Variants in DERA observed in about 807,000 individuals in gnomAD.
DERA encodes the protein deoxyribose-phosphate aldolase.
DERA carries 15 observed loss-of-function variants against 41.1 expected under a neutral mutation model. The observed-to-expected ratio is 0.37, with a 90% CI of 0.24 to 0.56. DERA has a LOEUF of 0.56. DERA is among the 20% of genes least tolerant of loss of function. The probability of loss-of-function intolerance (pLI) is 0.81; values close to 1 mark genes in which losing one functional copy is unlikely to be tolerated. For missense variants in DERA, 396 were observed against 403.4 expected, an observed-to-expected ratio of 0.98 and a Z score of 0.16; for synonymous variants, 139 against 137.4, an observed-to-expected ratio of 1.01 and a Z score of -0.08.
intron 5 of DERA, among the ~76,000 whole-genome samples, chr12:15,973,156 C>A (rs1036729265): frequency 6.6e-6 from 1 of 152,058 alleles, no homozygotes; most frequent in Non-Finnish European, 1.5e-5. Context: ...AGGAGGGATG[C>A]GGGGAGACAA....
intron 6 of DERA, among the ~76,000 whole-genome samples, chr12:16,022,360 T>C (rs1045497121): frequency 1.3e-5 from 2 of 152,220 alleles, no homozygotes; most frequent in South Asian, 2.1e-4. Flanking sequence ...ACAACACTTC[T>C]TGTACAGCCT....
At chr12:16,028,078 G>A (rs1482064898) in intron 6 of DERA, among the ~76,000 whole-genome samples, 1 of 152,188 alleles carries the variant, frequency 6.6e-6, no homozygotes, top group African/African-American at 2.4e-5. Context: ...CTAAAAGCAA[G>A]AACACTAGAG....
Position 16,036,329 on chromosome 12 carries a change from C to T in DERA, c.848C>T (p.Pro283Leu). 6.2e-7 allele frequency: 1 copy of T among 1,613,534 alleles called. No individual in the cohort carries two copies. Among genetic ancestry groups the T allele is most frequent in the Non-Finnish European group, 8.5e-7 (1 of 1,179,696 alleles). Residue 283 changes from proline (P) to leucine (L), a missense_variant, in exon 8 of 9, where the codon CCA (proline) becomes CTA (leucine). Coordinates refer to ENST00000428559, the MANE Select transcript of DERA (RefSeq NM_015954.4). This position sits in a 1 kb window ranked among gnomAD's most constrained non-coding sequence, Gnocchi z 4.9. ...KEELGDEWLKPELFRIGASTL... is the reference protein window; with the variant it reads ...KEELGDEWLKLELFRIGASTL... ...GAGCTTGGAGATGAGTGGCTGAAGCCAGAACTCTTTCGAATAGGTGCCAGT... is the reference window on the plus strand; with the variant it reads ...GAGCTTGGAGATGAGTGGCTGAAGCTAGAACTCTTTCGAATAGGTGCCAGT...
At position 16,035,175 on chromosome 12, in the gene DERA, T is replaced by C. The variant is rs1949119175; in HGVS notation, c.751-1057T>C. Among the ~76,000 whole-genome samples, 1 of 152,070 alleles carries C rather than the reference T, an allele frequency of 6.6e-6. No homozygotes were observed. Among genetic ancestry groups the C allele is most frequent in the Non-Finnish European group, 1.5e-5 (1 of 68,000 alleles). On this transcript the variant is annotated intron_variant, in intron 7 of 8. Transcript: ENST00000428559. The surrounding 1 kb of genome is among the most constrained non-coding windows in gnomAD (Gnocchi z 4.1). ...GGGTAAGGAAGGTAAGGAGGTAGAA[T>C]TGTCAGGACTTAAATATTGATTGGG... is the stretch of plus-strand genomic sequence containing the variant.
intron 1 of DERA, among the ~76,000 whole-genome samples, chr12:15,939,816 C>T (rs1453224892): frequency 1.3e-5 from 2 of 152,090 alleles, no homozygotes; most frequent in African/African-American, 4.8e-5. Context: ...GTGTGTATTG[C>T]CATGAAGAAA....
At chr12:15,969,417 T>C (rs1948645187) in intron 5 of DERA, among the ~76,000 whole-genome samples, 1 of 152,212 alleles carries the variant, frequency 6.6e-6, no homozygotes, top group Non-Finnish European at 1.5e-5. Flanking sequence ...GGGAGACTCA[T>C]TCCACACTGG....
intron 1 of DERA, among the ~76,000 whole-genome samples, chr12:15,942,979 A>C (rs745428238): frequency 2.0e-5 from 3 of 152,226 alleles, no homozygotes; most frequent in Non-Finnish European, 2.9e-5. Flanking sequence ...AAAGCTCAGC[A>C]GTAGTTGGAC....
In DERA at chr12:15,967,645, A is replaced by C. The variant is rs1189392222; in HGVS notation, c.508+4698A>C. 6.6e-6 allele frequency among the ~76,000 whole-genome samples: 1 copy of C among 151,984 alleles called. No homozygotes were observed. The highest frequency in any genetic ancestry group is 1.5e-5 in the Non-Finnish European group (1 of 67,986). Reference sequence around the variant, plus strand: ...TCCAGACTCTTGTGCTTTTTGATTTATGTATCTTCTTATTTGTTACTGTTT... The same window carrying C: ...TCCAGACTCTTGTGCTTTTTGATTTCTGTATCTTCTTATTTGTTACTGTTT... On this transcript the variant is annotated intron_variant, in intron 5 of 8. Coordinates refer to ENST00000428559, the MANE Select transcript of DERA (RefSeq NM_015954.4). The surrounding 1 kb of genome is among the most constrained non-coding windows in gnomAD (Gnocchi z 4.9).
rs543866736 is a variant in DERA at position 15,987,770 on chromosome 12, C to T, written c.637+5334C>T. Among the ~76,000 whole-genome samples, 6 of 152,148 alleles carry T rather than the reference C, an allele frequency of 3.9e-5. 1 individual carries two copies. Among genetic ancestry groups the T allele is most frequent in the Middle Eastern group, 6.8e-3 (2 of 294 alleles). ...TGTCGCTTTGCCAGTCAGAAACCTC[C>T]GTGCACTTCTGCTTGAGTTTTGCTC... On this transcript the variant is annotated intron_variant, in intron 6 of 8. Transcript: ENST00000428559.
intron 6 of DERA, among the ~76,000 whole-genome samples, chr12:16,015,012 A>G (rs1198249083): frequency 6.6e-6 from 1 of 152,150 alleles, no homozygotes; most frequent in Non-Finnish European, 1.5e-5. Context: ...CATTTAGAAC[A>G]ATTGTATTTA....
At chr12:16,031,117 G>T (rs564260506) in intron 6 of DERA, among the ~76,000 whole-genome samples, 1 of 152,252 alleles carries the variant, frequency 6.6e-6, no homozygotes, top group South Asian at 2.1e-4. Flanking sequence ...TAGACCTGTC[G>T]TACAAATGAG....
chr12:15,939,527 G>C (rs1948394473), intron 1 of DERA, among the ~76,000 whole-genome samples: 2 of 152,062 alleles, frequency 1.3e-5, no homozygotes, highest in African/African-American at 4.8e-5. Flanking sequence ...TCTTTTGTAG[G>C]AGTAAATTTT....
chr12:16,023,530 T>C (rs1408300709), intron 6 of DERA, among the ~76,000 whole-genome samples: 2 of 138,656 alleles, frequency 1.4e-5, no homozygotes, highest in African/African-American at 5.6e-5. Context: ...CAGGCTGGAG[T>C]GCAGTGGCGG....
At chr12:16,024,535 T>C (rs992943114) in intron 6 of DERA, among the ~76,000 whole-genome samples, 1 of 152,114 alleles carries the variant, frequency 6.6e-6, no homozygotes, top group African/African-American at 2.4e-5. Context: ...CCCAACAACA[T>C]GGAATTCTGT....
chr12:15,934,519 G>A (rs376701647), intron 1 of DERA, among the ~76,000 whole-genome samples: 2 of 151,938 alleles, frequency 1.3e-5, no homozygotes, highest in Non-Finnish European at 2.9e-5. Flanking sequence ...CTGGGAGGAG[G>A]AGGAGGTTGC....
intron 1 of DERA, among the ~76,000 whole-genome samples, chr12:15,951,031 A>C (rs1235820569): frequency 6.6e-6 from 1 of 152,226 alleles, no homozygotes. Flanking sequence ...GACTTTGGGT[A>C]GAGATCCCTG....
intron 6 of DERA, among the ~76,000 whole-genome samples, chr12:16,027,156 C>T (rs1015937361): frequency 2.6e-5 from 4 of 152,178 alleles, no homozygotes; most frequent in African/African-American, 9.7e-5. Context: ...TAATAAAGAA[C>T]ATCTGCAAAC....
In DERA at chr12:16,020,704, AAT is replaced by A. The variant is rs1279426394; in HGVS notation, c.638-11834_638-11833del. 6.6e-6 allele frequency among the ~76,000 whole-genome samples: 1 copy of A among 152,198 alleles called. No individual in the cohort carries two copies. The highest frequency in any genetic ancestry group is 1.5e-5 in the Non-Finnish European group (1 of 68,038). Reference sequence around the variant, plus strand: ...ATGGTTGTGAGAAAATGCTGACAGAAATATAGACAATGAAGTCAAGGCTGAGG... The same window carrying A: ...ATGGTTGTGAGAAAATGCTGACAGAAATAGACAATGAAGTCAAGGCTGAGG... On this transcript the variant is annotated intron_variant, in intron 6 of 8. Coordinates refer to ENST00000428559, the MANE Select transcript of DERA (RefSeq NM_015954.4). This position sits in a 1 kb window ranked among gnomAD's most constrained non-coding sequence, Gnocchi z 5.5.
chr12:16,023,535 T>G (rs1592055393), intron 6 of DERA, among the ~76,000 whole-genome samples: 1 of 142,200 alleles, frequency 7.0e-6, no homozygotes, highest in African/African-American at 2.7e-5. Flanking sequence ...TGGAGTGCAG[T>G]GGCGGGATCT....
Sources: gnomAD v4.1 joint callset for allele counts (sites outside exome capture counted in the v4.1 genomes callset) on GRCh38, gnomAD v4.1.1 for gene constraint, Gnocchi (gnomAD v3.1) non-coding constraint, MANE v1.5 for transcripts, NCBI Gene and HGNC (gene_info 2026-07-23, HGNC 2026-07-21) for gene names.